The following AMOT variants were observed in gnomAD, a reference collection of about 807,000 sequenced individuals.
AMOT encodes the protein angiomotin.
Under a neutral mutation model 67.0 loss-of-function variants are expected in AMOT, and 11 were observed. The observed-to-expected ratio is 0.16, with a 90% CI of 0.10 to 0.27. AMOT has a LOEUF of 0.27. Ranked by LOEUF, AMOT falls within the 10% of genes least tolerant of loss-of-function variation. The probability of loss-of-function intolerance (pLI) is 1.00; values close to 1 mark genes in which losing one functional copy is unlikely to be tolerated. For synonymous variants in AMOT, 326 were observed against 321.4 expected, an observed-to-expected ratio of 1.01 and a Z score of -0.15; for missense variants, 753 against 852.0, an observed-to-expected ratio of 0.88 and a Z score of 1.45.
intron 8 of AMOT, among the ~76,000 whole-genome samples, chrX:112,798,282 C>G (rs1301743177): frequency 8.9e-6 from 1 of 112,691 alleles, no homozygotes; most frequent in African/African-American, 3.2e-5. Context: ...CTTATCTGAT[C>G]CTGATTGCTG....
intron 7 of AMOT, among the ~76,000 whole-genome samples, chrX:112,807,565 T>C (rs2099457028): frequency 9.2e-6 from 1 of 108,798 alleles, no homozygotes; most frequent in Non-Finnish European, 1.9e-5. Flanking sequence ...GTAGACAGCA[T>C]GCAAGATCAG....
chrX:112,800,111 G>C, intron 8 of AMOT, among the ~76,000 whole-genome samples: 1 of 110,915 alleles, frequency 9.0e-6, no homozygotes, highest in Non-Finnish European at 1.9e-5. Context: ...CATGCCTGTA[G>C]TCCCAGCTAC....
At position 112,815,383 on chromosome X, in the gene AMOT, T is replaced by C. The variant is rs552832623; in HGVS notation, c.1367A>G (p.Tyr456Cys). The change falls in exon 5 of 14, where the codon TAT becomes TGT. Residue 456 changes from tyrosine to cysteine, a missense_variant. Physicochemically the swap from Tyr to Cys is radical, Grantham distance 194 (BLOSUM62 -2). Transcript: ENST00000371959. ...CTTCTGCAGTCTTGCCACCTTCTCATAGCATCCTTCCAACTCTTGCCTCAA... is the reference window on the plus strand; with the variant it reads ...CTTCTGCAGTCTTGCCACCTTCTCACAGCATCCTTCCAACTCTTGCCTCAA... The part of the protein sequence containing the change: ...RNLRQELEGC[Y>C]EKVARLQKVE... The C allele has an allele frequency of 6.8e-5, 82 of 1,209,288 alleles. No homozygotes were observed. Among genetic ancestry groups the C allele is most frequent in the South Asian group, 3.9e-4 (22 of 56,524 alleles).
intron 1 of AMOT, among the ~76,000 whole-genome samples, chrX:112,835,949 T>C (rs1395399232): frequency 8.9e-6 from 1 of 111,924 alleles, no homozygotes; most frequent in Non-Finnish European, 1.9e-5. Context: ...ATTAAAGAAC[T>C]ATGAAATTTG....
chrX:112,817,997 T>C (rs1032280726), intron 4 of AMOT, among the ~76,000 whole-genome samples: 31 of 111,625 alleles, frequency 2.8e-4, no homozygotes, highest in Non-Finnish European at 3.0e-4. Context: ...AGTTAAAATA[T>C]AATGTCCTGA....
intron 1 of AMOT, among the ~76,000 whole-genome samples, chrX:112,839,922 T>C (rs1935246382): frequency 9.0e-6 from 1 of 111,161 alleles, no homozygotes; most frequent in African/African-American, 3.3e-5. Flanking sequence ...CCACAAGCAC[T>C]ACCACCACCA....
rs1212801189 is a variant in AMOT, at chrX:112,779,130, C to T, written c.3024G>A (p.Pro1008=). Residue 1008 remains proline, a synonymous_variant, in exon 13 of 14, where the codon CCG becomes CCA. Transcript: ENST00000371959. ...PAQTQAPTSA[P]AVAPTPAPTP... Reference sequence around the variant, plus strand: ...TTGGAGCTGGAGTTGGAGCCACAGCCGGAGCTGAAGTTGGTGCCTGAGTCT... The same window carrying T: ...TTGGAGCTGGAGTTGGAGCCACAGCTGGAGCTGAAGTTGGTGCCTGAGTCT... The T allele has an allele frequency of 1.7e-5, 19 of 1,096,362 alleles. No homozygotes were observed. The highest frequency in any genetic ancestry group is 2.4e-5 in the Non-Finnish European group (19 of 791,543). 90.4% of individuals were successfully genotyped at this position (1,096,362 alleles called of 1,213,427 possible).
At chrX:112,832,758 C>T (rs890063701) in intron 1 of AMOT, among the ~76,000 whole-genome samples, 1 of 111,985 alleles carries the variant, frequency 8.9e-6, no homozygotes, top group African/African-American at 3.2e-5. Flanking sequence ...ATTGAGAGCT[C>T]CCTGTTTCGC....
rs897230677 is a variant in AMOT at position 112,840,795 on chromosome X, G to C, written c.-632C>G. The C allele has an allele frequency of 8.8e-5, 10 of 113,168 alleles. No individual in the cohort carries two copies. The highest frequency in any genetic ancestry group is 2.8e-4 in the Admixed American group (3 of 10,788). The allele number at this position is 113,168 out of a possible 1,213,427, so 9.3% of individuals were successfully genotyped here. The stretch of plus-strand genomic sequence containing the variant: ...AAAGCTCCTCGGAAGGAAGGGGCGT[G>C]ACTGCCAAGGCAGCTCCTGGGCAAA... On this transcript the variant is annotated 5_prime_UTR_variant, in exon 1 of 14. Transcript: ENST00000371959.
intron 8 of AMOT, among the ~76,000 whole-genome samples, chrX:112,797,104 T>C (rs932703725): frequency 3.6e-5 from 4 of 111,822 alleles, no homozygotes; most frequent in Admixed American, 9.5e-5. Context: ...CTCTGAAACT[T>C]AGCATGCCCC....
intron 1 of AMOT, among the ~76,000 whole-genome samples, chrX:112,834,487 A>G (rs1935084773): frequency 8.9e-6 from 1 of 111,732 alleles, no homozygotes; most frequent in Admixed American, 9.5e-5. Context: ...AGAAGAAGGG[A>G]GACTCTCCAC....
chrX:112,827,614 T>C (rs1934875518), intron 2 of AMOT, among the ~76,000 whole-genome samples: 2 of 111,661 alleles, frequency 1.8e-5, no homozygotes, highest in Non-Finnish European at 1.9e-5. Context: ...GCAATTTGAA[T>C]CTATATAATC....
At chrX:112,832,903 A>G (rs1275856310) in intron 1 of AMOT, among the ~76,000 whole-genome samples, 1 of 111,278 alleles carries the variant, frequency 9.0e-6, no homozygotes, top group African/African-American at 3.3e-5. Flanking sequence ...TTCATACCAA[A>G]GGGCCTGAGT....
At chrX:112,778,904 T>A in intron 13 of AMOT, 93 bp downstream of exon 13, 1 of 957,176 alleles carries the variant, frequency 1.0e-6, no homozygotes, top group Non-Finnish European at 1.5e-6. Context: ...TCAGTCCAAA[T>A]GATAACTCTG....
intron 11 of AMOT, among the ~76,000 whole-genome samples, chrX:112,781,511 C>T (rs1172309845): frequency 9.4e-6 from 1 of 106,582 alleles, no homozygotes; most frequent in Admixed American, 1.0e-4. Context: ...GACTACATGA[C>T]TACGTGGAGC....
chrX:112,813,556 C>G (rs1037032984), intron 5 of AMOT, among the ~76,000 whole-genome samples: 3 of 111,646 alleles, frequency 2.7e-5, no homozygotes, highest in Admixed American at 9.6e-5. Context: ...TTATTTGAGG[C>G]ATCTTTTCCC....
intron 1 of AMOT, among the ~76,000 whole-genome samples, chrX:112,837,831 AG>A (rs1935168093): frequency 1.8e-5 from 2 of 112,026 alleles, no homozygotes; most frequent in South Asian, 3.7e-4. Context: ...AAATTGGTTT[AG>A]TCCCCAGCTA....
chrX:112,809,638 G>A (rs1934293740), intron 7 of AMOT, among the ~76,000 whole-genome samples: 2 of 111,268 alleles, frequency 1.8e-5, no homozygotes, highest in African/African-American at 6.6e-5. Context: ...ACACTAGCAG[G>A]GATTTCAAGG....
At chrX:112,833,554 ACT>A (rs1000611089) in intron 1 of AMOT, among the ~76,000 whole-genome samples, 3 of 108,076 alleles carry the variant, frequency 2.8e-5, no homozygotes, top group Non-Finnish European at 5.8e-5. Context: ...TGCCTCCCCT[ACT>A]CTCTCTCTCA....
Sources: allele counts gnomAD v4.1 joint callset (sites outside exome capture counted in the v4.1 genomes callset), GRCh38; gene constraint gnomAD v4.1.1; transcripts MANE v1.5; gene names NCBI Gene and HGNC (gene_info 2026-07-23, HGNC 2026-07-21).